Variants in HADHA observed in about 807,000 individuals in gnomAD.
HADHA encodes hydroxyacyl-CoA dehydrogenase trifunctional multienzyme complex subunit alpha.
In HADHA, 59 loss-of-function variants were observed where a neutral mutation model predicts 91.3. That is an observed-to-expected ratio of 0.65 (90% CI 0.52 to 0.80). HADHA has a LOEUF of 0.80. Among genes scored for constraint, HADHA ranks in the 30% least tolerant of loss-of-function variants. The pLI is 0.00. For synonymous variants in HADHA, 320 were observed against 338.9 expected (o/e 0.94, Z 0.61); for missense variants, 800 against 927.6 (o/e 0.86, Z 1.79).
intron 7 of HADHA, among the ~76,000 whole-genome samples, chr2:26,223,782 T>G (rs1268537053): frequency 6.6e-6 from 1 of 152,202 alleles, no homozygotes; most frequent in Non-Finnish European, 1.5e-5. Context: ...AGTTTCACTC[T>G]GTCGCCCAGG....
At chr2:26,205,788 T>G in intron 11 of HADHA, among the ~76,000 whole-genome samples, 1 of 151,354 alleles carries the variant, frequency 6.6e-6, no homozygotes, top group African/African-American at 2.4e-5. Flanking sequence ...GGTGACAGAG[T>G]GAGACTCCAT....
At chr2:26,200,141 G>A (rs1669792625) in intron 13 of HADHA, among the ~76,000 whole-genome samples, 1 of 152,136 alleles carries the variant, frequency 6.6e-6, no homozygotes, top group African/African-American at 2.4e-5. Context: ...GATAATGTTT[G>A]TTTGTTTGTT....
intron 7 of HADHA, among the ~76,000 whole-genome samples, chr2:26,220,470 G>T (rs1670349007): frequency 6.6e-6 from 1 of 152,226 alleles, no homozygotes; most frequent in African/African-American, 2.4e-5. Flanking sequence ...AGCGGTAGGG[G>T]TGGTGATTCC....
intron 12 of HADHA, among the ~76,000 whole-genome samples, chr2:26,203,602 C>T (rs1242302249): frequency 6.6e-6 from 1 of 152,180 alleles, no homozygotes; most frequent in African/African-American, 2.4e-5. Context: ...TGATCCCGGC[C>T]CTGCCTTCCC....
At position 26,230,238 on chromosome 2, in the gene HADHA, G is replaced by A; in HGVS notation, c.630C>T (p.Asp210=). The change falls in exon 7 of 20, where the codon GAC becomes GAT. Residue 210 remains aspartate, a synonymous_variant. Transcript: ENST00000380649. The stretch of plus-strand genomic sequence containing the variant: ...CAACCAGTCCCATTTTCTTTGCCCT[G>A]TCTGCACGAATGCTTCTACCAGTCA... ...MMLTGRSIRA[D]RAKKMGLVDQ... 6.2e-7 allele frequency: 1 copy of A among 1,613,672 alleles called. No individual in the cohort carries two copies. The highest frequency in any genetic ancestry group is 8.5e-7 in the Non-Finnish European group (1 of 1,179,670).
chr2:26,204,896 C>T (rs569089114), intron 11 of HADHA, among the ~76,000 whole-genome samples: 21 of 152,086 alleles, frequency 1.4e-4, no homozygotes, highest in Non-Finnish European at 2.9e-4. Context: ...TTTCATTTCC[C>T]CCAAAATCTG....
intron 14 of HADHA, among the ~76,000 whole-genome samples, chr2:26,196,903 T>C (rs1669690803): frequency 6.6e-6 from 1 of 152,080 alleles, no homozygotes; most frequent in South Asian, 2.1e-4. Context: ...CCTGCCATCA[T>C]TGAGCCTGCC....
At chr2:26,208,420 G>A (rs1002909913) in intron 11 of HADHA, among the ~76,000 whole-genome samples, 4 of 152,082 alleles carry the variant, frequency 2.6e-5, no homozygotes, top group Non-Finnish European at 4.4e-5. Context: ...TAAATGCTCA[G>A]GCAGGAGGAG....
chr2:26,241,795 G>A (rs1185974809), intron 1 of HADHA, among the ~76,000 whole-genome samples: 2 of 152,212 alleles, frequency 1.3e-5, no homozygotes, highest in Non-Finnish European at 2.9e-5. Context: ...TAGGATAGGA[G>A]TGGGAATTAG....
chr2:26,223,193 C>T (rs887294857), intron 7 of HADHA, among the ~76,000 whole-genome samples: 1 of 152,188 alleles, frequency 6.6e-6, no homozygotes, highest in African/African-American at 2.4e-5. Flanking sequence ...TTGGGCTCCT[C>T]ATGCCTTGGA....
intron 7 of HADHA, among the ~76,000 whole-genome samples, chr2:26,224,161 A>G (rs1354811369): frequency 6.6e-6 from 1 of 152,186 alleles, no homozygotes; most frequent in Admixed American, 6.5e-5. Flanking sequence ...GATGTCCCCC[A>G]CTTGTATGCT....
chr2:26,201,724 A>G (rs1669846396), intron 12 of HADHA, among the ~76,000 whole-genome samples: 1 of 152,218 alleles, frequency 6.6e-6, no homozygotes. Flanking sequence ...AGTGTGTCTG[A>G]GACCACATGG....
chr2:26,204,132 C>T lies in HADHA; in HGVS notation c.1150G>A (p.Gly384Arg). ...GCATCTTTAAGTATAGTCTTTAGCCCCTTATCCACGGAGACTTGGGCGATG... is the reference window on the plus strand; with the variant it reads ...GCATCTTTAAGTATAGTCTTTAGCCTCTTATCCACGGAGACTTGGGCGATG... ...AGIAQVSVDK[G>R]LKTILKDATL... The change falls in exon 12 of 20, where the codon GGG becomes AGG. Residue 384 changes from glycine to arginine, a missense_variant. Coordinates refer to ENST00000380649, the MANE Select transcript of HADHA (RefSeq NM_000182.5). The T allele has an allele frequency of 1.9e-6, 3 of 1,613,764 alleles. No homozygotes were observed. Among genetic ancestry groups the T allele is most frequent in the Non-Finnish European group, 2.5e-6 (3 of 1,179,634 alleles).
At chr2:26,200,673 C>T (rs1275485661) in intron 13 of HADHA, among the ~76,000 whole-genome samples, 1 of 152,112 alleles carries the variant, frequency 6.6e-6, no homozygotes, top group African/African-American at 2.4e-5. Flanking sequence ...TAGATTTGAC[C>T]TTTATAACAT....
Position 26,214,640 on chromosome 2 carries a change from A to G in HADHA, c.800-79T>C, listed in dbSNP as rs1670176051. ...TTAGTTTATGCTCTAAACTCTATAA[A>G]AATGAAGTAATTCTAGCTATCTGCA... On this transcript the variant is annotated intron_variant, in intron 8 of 19. Coordinates refer to ENST00000380649, the MANE Select transcript of HADHA (RefSeq NM_000182.5). The surrounding 1 kb of genome is among the most constrained non-coding windows in gnomAD (Gnocchi z 4.1). 3 of 815,490 alleles carry G rather than the reference A, an allele frequency of 3.7e-6. No individual in the cohort carries two copies. The allele number at this position is 815,490 out of a possible 1,614,324, so 50.5% of individuals were successfully genotyped here.
chr2:26,226,868 T>C (rs1012550881), intron 7 of HADHA, among the ~76,000 whole-genome samples: 57 of 152,278 alleles, frequency 3.7e-4, no homozygotes, highest in African/African-American at 1.3e-3. Context: ...GAAGAAAGTA[T>C]ACAGGAAAAC....
chr2:26,228,283 A>G (rs1670531329), intron 7 of HADHA, among the ~76,000 whole-genome samples: 1 of 152,034 alleles, frequency 6.6e-6, no homozygotes, highest in African/African-American at 2.4e-5. Context: ...GGTGCACACC[A>G]CTACACCCAG....
intron 11 of HADHA, among the ~76,000 whole-genome samples, chr2:26,204,628 G>C (rs1298547777): frequency 6.6e-6 from 1 of 152,124 alleles, no homozygotes; most frequent in African/African-American, 2.4e-5. Flanking sequence ...CCTTACCCAG[G>C]CTGGAGTGCA....
rs1670549860 is a variant in HADHA at position 26,229,051 on chromosome 2, T to C, written c.676+1141A>G. 6.6e-6 allele frequency among the ~76,000 whole-genome samples: 1 copy of C among 152,080 alleles called. No homozygotes were observed. Among genetic ancestry groups the C allele is most frequent in the African/African-American group, 2.4e-5 (1 of 41,408 alleles). ...ACTCAAATTATACATTAAAAGTTGG[T>C]CAATTTCACCAGACACAGTGGCTCA... On this transcript the variant is annotated intron_variant, in intron 7 of 19. Transcript: ENST00000380649. The surrounding 1 kb of genome is among the most constrained non-coding windows in gnomAD (Gnocchi z 4.3).
Sources: allele counts gnomAD v4.1 joint callset (sites outside exome capture counted in the v4.1 genomes callset), GRCh38; gene constraint gnomAD v4.1.1; non-coding constraint Gnocchi (gnomAD v3.1); transcripts MANE v1.5; gene names NCBI Gene and HGNC (gene_info 2026-07-23, HGNC 2026-07-21).